Variants in MN1 observed in about 807,000 individuals in gnomAD.
MN1 encodes MN1 proto-oncogene, transcriptional regulator.
In MN1, 19 loss-of-function variants were observed where a neutral mutation model predicts 86.9. The observed-to-expected ratio is 0.22, with a 90% CI of 0.15 to 0.32. The LOEUF (loss-of-function observed/expected upper bound fraction) is 0.32. MN1 is among the 10% of genes least tolerant of loss of function. MN1 has a pLI of 1.00. For synonymous variants in MN1, 928 were observed against 849.6 expected (o/e 1.09, Z -1.60); for missense variants, 1,841 against 1,862.0 (o/e 0.99, Z 0.21).
intron 1 of MN1, chr22:27,791,851 C>G (rs985769728): frequency 6.6e-6 from 1 of 152,188 alleles, no homozygotes; most frequent in African/African-American, 2.4e-5. Context: ...AAACGGGTCA[C>G]AAGTGATTCT....
Position 27,797,628 on chromosome 22 carries a change from A to T in MN1, c.2916T>A (p.Pro972=), listed in dbSNP as rs1933324462. 6.3e-7 allele frequency: 1 copy of T among 1,594,846 alleles called. No homozygotes were observed. Among genetic ancestry groups the T allele is most frequent in the Non-Finnish European group, 8.5e-7 (1 of 1,170,812 alleles). The change falls in exon 1 of 2, where the codon CCT becomes CCA. Residue 972 remains proline, a synonymous_variant. Coordinates refer to ENST00000302326, the MANE Select transcript of MN1 (RefSeq NM_002430.3). ...YSAAPDSGGA[P]GVSPGQQQAS... is the part of the protein sequence containing the mutation. ...CTTGCTGCTGCCCTGGGCTCACCCCAGGTGCGCCCCCGCTGTCCGGAGCCG... is the reference window on the plus strand; with the variant it reads ...CTTGCTGCTGCCCTGGGCTCACCCCTGGTGCGCCCCCGCTGTCCGGAGCCG...
Position 27,749,636 on chromosome 22 carries a change from A to C in MN1, c.*1279T>G, listed in dbSNP as rs1568968416. The C allele has an allele frequency of 4.3e-6, 1 of 231,794 alleles. No homozygotes were observed. Among genetic ancestry groups the C allele is most frequent in the Non-Finnish European group, 8.5e-6 (1 of 117,222 alleles). The allele number at this position is 231,794 out of a possible 1,614,324, so 14.4% of individuals were successfully genotyped here. On this transcript the variant is annotated 3_prime_UTR_variant, in exon 2 of 2. Transcript: ENST00000302326. ...TTGCAACAGGGTGAGATTCCAAAAA[A>C]ATGTTGGGGAGGGGGCAGAGGAATT...
In MN1 at chr22:27,799,352, G is replaced by T. The variant is rs895699778; in HGVS notation, c.1192C>A (p.Pro398Thr). 1.9e-6 allele frequency: 3 copies of T among 1,583,954 alleles called. No individual in the cohort carries two copies. In the African/African-American group the frequency reaches 4.0e-5, roughly 21 times the overall value. The change falls in exon 1 of 2, where the codon CCC (proline) becomes ACC (threonine). Residue 398 changes from proline to threonine, a missense_variant. Transcript: ENST00000302326. Reference protein sequence around the residue: ...TPSGGLQDGGPMLPSQHAQFE... With the variant: ...TPSGGLQDGGTMLPSQHAQFE... The stretch of plus-strand genomic sequence containing the variant: ...TGCGCGTGCTGGCTGGGCAGCATGG[G>T]GCCTCCGTCCTGCAGGCCGCCGCTG...
At chr22:27,778,470 C>T (rs938442305) in intron 1 of MN1, among the ~76,000 whole-genome samples, 3 of 152,264 alleles carry the variant, frequency 2.0e-5, no homozygotes, top group African/African-American at 4.8e-5. Context: ...TGTCATCCCC[C>T]TCCCCTCACA....
chr22:27,775,649 G>A (rs990783947), intron 1 of MN1, among the ~76,000 whole-genome samples: 1 of 152,188 alleles, frequency 6.6e-6, no homozygotes, highest in Non-Finnish European at 1.5e-5. Context: ...CACTCTCCTA[G>A]GTGATGCTGC....
At chr22:27,793,105 T>G (rs1349343893) in intron 1 of MN1, among the ~76,000 whole-genome samples, 1 of 152,112 alleles carries the variant, frequency 6.6e-6, no homozygotes, top group Non-Finnish European at 1.5e-5. Flanking sequence ...CATTTCAATG[T>G]ATGTGAAAGA....
At chr22:27,782,218 A>G (rs1174113441) in intron 1 of MN1, among the ~76,000 whole-genome samples, 1 of 152,168 alleles carries the variant, frequency 6.6e-6, no homozygotes, top group Non-Finnish European at 1.5e-5. Flanking sequence ...TGCCCCGAAC[A>G]AGGAGAAGGT....
At chr22:27,774,450 G>A (rs45523538) in intron 1 of MN1, among the ~76,000 whole-genome samples, 109 of 152,266 alleles carry the variant, frequency 7.2e-4, no homozygotes, top group African/African-American at 2.6e-3. Context: ...GCCCCAGGTC[G>A]GAGGTCCACC....
intron 1 of MN1, among the ~76,000 whole-genome samples, chr22:27,755,684 T>C (rs1932797654): frequency 6.6e-6 from 1 of 152,160 alleles, no homozygotes; most frequent in Non-Finnish European, 1.5e-5. Context: ...TTGGTCATCA[T>C]ACTGCAGAGG....
intron 1 of MN1, among the ~76,000 whole-genome samples, chr22:27,756,321 A>G (rs1395444083): frequency 1.3e-5 from 2 of 152,136 alleles, no homozygotes; most frequent in East Asian, 1.9e-4. Context: ...CCTGCTCTGC[A>G]CTAAAATCCG....
chr22:27,796,600 A>G (rs1933299858), intron 1 of MN1, among the ~76,000 whole-genome samples, 163 bp downstream of exon 1: 1 of 152,090 alleles, frequency 6.6e-6, no homozygotes, highest in African/African-American at 2.4e-5. Context: ...CTGTCCTCAC[A>G]GCCCTTGGTG....
Position 27,750,795 on chromosome 22 carries a change from T to A in MN1, c.*120A>T. ...ACCAACCTAGAGAAAAAAAAAAAACTCATCCACTCAGCAATAGTGGCCCTT... is the reference window on the plus strand; with the variant it reads ...ACCAACCTAGAGAAAAAAAAAAAACACATCCACTCAGCAATAGTGGCCCTT... On this transcript the variant is annotated 3_prime_UTR_variant, in exon 2 of 2. Coordinates refer to ENST00000302326, the MANE Select transcript of MN1 (RefSeq NM_002430.3). 2 of 780,880 alleles carry A rather than the reference T, an allele frequency of 2.6e-6. No individual in the cohort carries two copies. Among genetic ancestry groups the A allele is most frequent in the Non-Finnish European group, 3.7e-6 (2 of 534,236 alleles). The allele number at this position is 780,880 out of a possible 1,614,324, so 48.4% of individuals were successfully genotyped here.
chr22:27,748,869 C>G lies in MN1; in HGVS notation c.*2046G>C. ...CTTAAGCAATTAAGGAGAAATCATTCCTGTTTCAAAAGTAAAATGATGAGG... is the reference window on the plus strand; with the variant it reads ...CTTAAGCAATTAAGGAGAAATCATTGCTGTTTCAAAAGTAAAATGATGAGG... On this transcript the variant is annotated 3_prime_UTR_variant, in exon 2 of 2. Transcript: ENST00000302326. 1 of 226,710 alleles carries G rather than the reference C, an allele frequency of 4.4e-6. No individual in the cohort carries two copies. The highest frequency in any genetic ancestry group is 8.8e-6 in the Non-Finnish European group (1 of 113,904). 14.0% of individuals were successfully genotyped at this position (226,710 alleles called of 1,614,324 possible).
intron 1 of MN1, among the ~76,000 whole-genome samples, chr22:27,768,472 C>T (rs773232987): frequency 1.3e-5 from 2 of 152,156 alleles, no homozygotes; most frequent in South Asian, 2.1e-4. Context: ...TGCTTGGTGT[C>T]GGTTGCCAAG....
Position 27,797,393 on chromosome 22 carries a change from T to C in MN1, c.3151A>G (p.Thr1051Ala), listed in dbSNP as rs774573491. Residue 1051 changes from threonine (T) to alanine (A), a missense_variant, in exon 1 of 2, where the codon ACG (threonine) becomes GCG (alanine). Physicochemically the swap from Thr to Ala is moderately conservative, Grantham distance 58. Transcript: ENST00000302326. ...ACCTCGTCCTCATTGGCGTAGCTCG[T>C]GCTCACCTCGTCCGAGGCGAACTCA... Reference protein sequence around the residue: ...VGEFASDEVSTSYANEDEVSS... With the variant: ...VGEFASDEVSASYANEDEVSS... 5 of 1,612,074 alleles carry C rather than the reference T, an allele frequency of 3.1e-6. No individual in the cohort carries two copies. In the Admixed American group the frequency reaches 5.0e-5, roughly 16 times the overall value.
rs560561226 is a variant in MN1 at position 27,797,249 on chromosome 22, G to C, written c.3295C>G (p.Pro1099Ala). ...VGAGEHGPKA[P>A]PPALGLGIMS... ...ATGCCCAGGCCGAGGGCGGGCGGGG[G>C]CGCCTTCGGTCCGTGTTCCCCGGCG... The change falls in exon 1 of 2, where the codon CCC (proline) becomes GCC (alanine). Residue 1099 changes from proline (P) to alanine (A), a missense_variant. Physicochemically the swap from Pro to Ala is conservative, Grantham distance 27 (BLOSUM62 -1). Transcript: ENST00000302326. The C allele has an allele frequency of 2.2e-5, 35 of 1,576,050 alleles. No individual in the cohort carries two copies. Among genetic ancestry groups the C allele is most frequent in the Non-Finnish European group, 2.8e-5 (33 of 1,167,870 alleles).
chr22:27,760,781 T>C (rs536811577), intron 1 of MN1, among the ~76,000 whole-genome samples: 1 of 152,234 alleles, frequency 6.6e-6, no homozygotes, highest in Admixed American at 6.5e-5. Context: ...TGCCCTCCCA[T>C]CAATGACAAC....
chr22:27,793,135 G>C (rs1933237424), intron 1 of MN1, among the ~76,000 whole-genome samples: 1 of 152,158 alleles, frequency 6.6e-6, no homozygotes, highest in South Asian at 2.1e-4. Flanking sequence ...GACTGCCCTG[G>C]GTTTCAAGAT....
intron 1 of MN1, among the ~76,000 whole-genome samples, chr22:27,777,938 G>A (rs1933001671): frequency 1.3e-5 from 2 of 152,042 alleles, no homozygotes; most frequent in African/African-American, 4.8e-5. Context: ...TTTATCCTGA[G>A]TCAGTGACCC....
Sources: gnomAD v4.1 joint callset for allele counts (sites outside exome capture counted in the v4.1 genomes callset) on GRCh38, gnomAD v4.1.1 for gene constraint, MANE v1.5 for transcripts, NCBI Gene and HGNC (gene_info 2026-07-23, HGNC 2026-07-21) for gene names.